Variants in PLCB4 observed in about 807,000 individuals in gnomAD.
The protein encoded by PLCB4 is 1-phosphatidylinositol 4,5-bisphosphate phosphodiesterase beta-4.
Under a neutral mutation model 178.8 loss-of-function variants are expected in PLCB4, and 77 were observed. The observed-to-expected ratio is 0.43, with a 90% CI of 0.36 to 0.52. The LOEUF (loss-of-function observed/expected upper bound fraction) is 0.52, where lower values mean the gene tolerates loss of function less well. Ranked by LOEUF, PLCB4 falls within the 20% of genes least tolerant of loss-of-function variation. The pLI, the probability that PLCB4 is intolerant of heterozygous loss-of-function variation, is 0.00. For missense variants in PLCB4, 1,024 were observed against 1,453.4 expected (o/e 0.70, Z 4.80); for synonymous variants, 496 against 490.8 (o/e 1.01, Z -0.14).
chr20:9,436,431 A>C (rs1346568167), intron 29 of PLCB4, among the ~76,000 whole-genome samples: 1 of 152,182 alleles, frequency 6.6e-6, no homozygotes, highest in Admixed American at 6.5e-5. Flanking sequence ...AGCTGACTAT[A>C]AACTTAAACT....
intron 2 of PLCB4, among the ~76,000 whole-genome samples, chr20:9,136,064 A>T (rs1460890917): frequency 6.6e-6 from 1 of 152,192 alleles, no homozygotes; most frequent in Admixed American, 6.5e-5. Flanking sequence ...CAAGGTCGGT[A>T]CATTTTTACT....
intron 3 of PLCB4, among the ~76,000 whole-genome samples, chr20:9,246,324 A>G (rs1297406937): frequency 1.3e-5 from 2 of 152,080 alleles, no homozygotes; most frequent in African/African-American, 4.8e-5. Context: ...AATGGCAAAA[A>G]CCACAATTAC....
chr20:9,295,433 C>T (rs147832765), intron 3 of PLCB4, among the ~76,000 whole-genome samples: 3 of 152,242 alleles, frequency 2.0e-5, no homozygotes, highest in African/African-American at 7.2e-5. Flanking sequence ...GTGCTCTAAT[C>T]CTCTTATTTC....
intron 26 of PLCB4, among the ~76,000 whole-genome samples, 185 bp from the exon 27 acceptor site, chr20:9,421,112 G>A (rs532052488): frequency 6.6e-6 from 1 of 152,036 alleles, no homozygotes; most frequent in East Asian, 1.9e-4. Context: ...AACAGCTGGG[G>A]TTTTTTTGCC....
At chr20:9,169,442 T>A (rs1197110818) in intron 2 of PLCB4, among the ~76,000 whole-genome samples, 1 of 148,044 alleles carries the variant, frequency 6.8e-6, no homozygotes, top group East Asian at 2.0e-4. Flanking sequence ...AAAAAAAAAT[T>A]AGCCCGGCGT....
chr20:9,139,980 C>T (rs933758146), intron 2 of PLCB4, among the ~76,000 whole-genome samples: 3 of 152,058 alleles, frequency 2.0e-5, no homozygotes, highest in South Asian at 4.2e-4. Context: ...TGTGCCTGGC[C>T]GTTCCTCTGA....
At chr20:9,092,003 A>G (rs1254406118) in intron 1 of PLCB4, among the ~76,000 whole-genome samples, 1 of 152,144 alleles carries the variant, frequency 6.6e-6, no homozygotes, top group Admixed American at 6.6e-5. Context: ...GTTACTGTAG[A>G]ATTTTAAGTT....
intron 2 of PLCB4, among the ~76,000 whole-genome samples, chr20:9,148,797 T>C (rs2092643058): frequency 6.6e-6 from 1 of 152,208 alleles, no homozygotes; most frequent in Admixed American, 6.5e-5. Flanking sequence ...TGGAAATATT[T>C]CTGGTCCAAC....
chr20:9,417,682 T>C (rs2040347978), intron 25 of PLCB4, among the ~76,000 whole-genome samples: 1 of 152,214 alleles, frequency 6.6e-6, no homozygotes, highest in African/African-American at 2.4e-5. Context: ...AGTTCTTCTA[T>C]GAATATGTCT....
intron 2 of PLCB4, among the ~76,000 whole-genome samples, chr20:9,104,372 T>TATAGTCAAGCAGCCACA (rs1182529731): frequency 2.6e-5 from 4 of 152,116 alleles, no homozygotes; most frequent in Non-Finnish European, 5.9e-5. Context: ...TCTGCTGGAT[T>TATAGTCAAGCAGCCACA]ATAGTCAAGC....
At chr20:9,285,126 G>GT (rs11380684) in intron 3 of PLCB4, among the ~76,000 whole-genome samples, 52,587 of 146,746 alleles carry the variant, frequency 0.36, 9,238 homozygotes, top group African/African-American at 0.4. Context: ...TGCTAGGAAT[G>GT]TTTTTTTTTT....
At chr20:9,075,224 C>T (rs908838926) in intron 1 of PLCB4, among the ~76,000 whole-genome samples, 2 of 152,148 alleles carry the variant, frequency 1.3e-5, no homozygotes, top group East Asian at 3.9e-4. Context: ...TTCTAACCAC[C>T]GTACTGTGTA....
intron 2 of PLCB4, among the ~76,000 whole-genome samples, chr20:9,154,156 G>A (rs1241096249): frequency 6.6e-6 from 1 of 152,230 alleles, no homozygotes; most frequent in East Asian, 1.9e-4. Flanking sequence ...AGCGAGGAGG[G>A]ATTAGAGAGA....
At chr20:9,085,110 G>C (rs912789937) in intron 1 of PLCB4, among the ~76,000 whole-genome samples, 8 of 151,636 alleles carry the variant, frequency 5.3e-5, no homozygotes, top group African/African-American at 1.9e-4. Context: ...TTACTTGAGT[G>C]AGCTTTTTAA....
intron 3 of PLCB4, among the ~76,000 whole-genome samples, chr20:9,270,041 A>G (rs2094387089): frequency 6.6e-6 from 1 of 152,132 alleles, no homozygotes; most frequent in Non-Finnish European, 1.5e-5. Context: ...GACAATCCAT[A>G]GTACATAATA....
intron 3 of PLCB4, among the ~76,000 whole-genome samples, chr20:9,292,365 A>G (rs955920121): frequency 6.6e-6 from 1 of 152,192 alleles, no homozygotes; most frequent in Admixed American, 6.5e-5. Flanking sequence ...GGCAAAGTAC[A>G]GAGGGCTGGG....
At chr20:9,463,461 CACAG>C (rs1410547351) in intron 35 of PLCB4, among the ~76,000 whole-genome samples, 6 of 151,870 alleles carry the variant, frequency 4.0e-5, no homozygotes, top group Non-Finnish European at 7.4e-5. Context: ...AATTAAAAGA[CACAG>C]ACTGGCAAAC....
chr20:9,377,360 T>C (rs1226607607), intron 12 of PLCB4, among the ~76,000 whole-genome samples: 3 of 152,176 alleles, frequency 2.0e-5, no homozygotes, highest in Non-Finnish European at 4.4e-5. Context: ...TTCACCTCAC[T>C]GTGCTTGTGT....
intron 2 of PLCB4, among the ~76,000 whole-genome samples, chr20:9,101,013 A>G (rs1466231492): frequency 2.0e-5 from 3 of 152,056 alleles, no homozygotes; most frequent in East Asian, 3.9e-4. Context: ...CTGGTGGCCC[A>G]TTTCTTCATA....
Sources: gnomAD v4.1 joint callset for allele counts (sites outside exome capture counted in the v4.1 genomes callset) on GRCh38, gnomAD v4.1.1 for gene constraint, MANE v1.5 for transcripts, NCBI Gene and HGNC (gene_info 2026-07-23, HGNC 2026-07-21) for gene names.